The following NKAIN3 variants were observed in gnomAD, a reference collection of about 807,000 sequenced individuals.
NKAIN3 encodes the protein sodium/potassium-transporting ATPase subunit beta-1-interacting protein 3.
Under a neutral mutation model 30.2 loss-of-function variants are expected in NKAIN3, and 25 were observed. The observed-to-expected ratio is 0.83, with a 90% CI of 0.60 to 1.16. The LOEUF is 1.16. Among genes scored for constraint, NKAIN3 ranks in the 50% most tolerant of loss-of-function variants. The pLI is 0.00. For synonymous variants in NKAIN3, 91 were observed against 89.6 expected, an observed-to-expected ratio of 1.02 and a Z score of -0.09; for missense variants, 225 against 254.1, an observed-to-expected ratio of 0.89 and a Z score of 0.78.
chr8:62,641,132 A>T (rs1251181190), intron 3 of NKAIN3, among the ~76,000 whole-genome samples: 1 of 151,936 alleles, frequency 6.6e-6, no homozygotes, highest in African/African-American at 2.4e-5. Flanking sequence ...CTCCAGACCC[A>T]CTGAATCAGA....
rs550498680 is a variant in NKAIN3, at chr8:62,972,258, T to G, written c.*6851T>G. On this transcript the variant is annotated 3_prime_UTR_variant, in exon 7 of 7. Coordinates refer to ENST00000623646, the MANE Select transcript of NKAIN3 (RefSeq NM_001304533.3). ...AGTTGGACCTGTTTTTCCCTTCATC[T>G]CTTTTTCTTCAAGAACATAATATCG... 8.9e-4 allele frequency among the ~76,000 whole-genome samples: 136 copies of G among 152,288 alleles called. 1 individual carries two copies. The highest frequency in any genetic ancestry group is 1.6e-3 in the Non-Finnish European group (108 of 68,024).
intron 4 of NKAIN3, among the ~76,000 whole-genome samples, chr8:62,838,567 T>C (rs985459058): frequency 6.6e-6 from 1 of 152,028 alleles, no homozygotes; most frequent in Non-Finnish European, 1.5e-5. Context: ...TCTACATAAG[T>C]TTCTGCCAGA....
chr8:62,447,493 A>G (rs539384661), intron 1 of NKAIN3, among the ~76,000 whole-genome samples: 4 of 152,160 alleles, frequency 2.6e-5, no homozygotes, highest in South Asian at 2.1e-4. Flanking sequence ...AGGTGAACCC[A>G]TTGTTTTCTA....
At chr8:62,254,161 TG>T (rs2129387172) in intron 1 of NKAIN3, among the ~76,000 whole-genome samples, 1 of 40,908 alleles carries the variant, frequency 2.4e-5, no homozygotes, top group Non-Finnish European at 5.9e-5. Context: ...ATCGTGTGTG[TG>T]TGTGTGTGTG....
intron 1 of NKAIN3, among the ~76,000 whole-genome samples, chr8:62,494,316 A>G (rs1206866169): frequency 6.6e-6 from 1 of 152,170 alleles, no homozygotes; most frequent in African/African-American, 2.4e-5. Flanking sequence ...TACGTGATGA[A>G]TCACATTTAC....
intron 1 of NKAIN3, among the ~76,000 whole-genome samples, chr8:62,536,185 G>C (rs563513777): frequency 2.3e-4 from 35 of 152,170 alleles, no homozygotes; most frequent in Non-Finnish European, 4.3e-4. Flanking sequence ...TTTGGAACAT[G>C]AATAAAGAAT....
At position 62,752,455 on chromosome 8, in the gene NKAIN3, C is replaced by T. The variant is rs567403664; in HGVS notation, c.471+5326C>T. Reference sequence around the variant, plus strand: ...TAATTCCTGTGATCTTCATAGGACACGGCAATCATAAATCCCTATTAGGAG... The same window carrying T: ...TAATTCCTGTGATCTTCATAGGACATGGCAATCATAAATCCCTATTAGGAG... On this transcript the variant is annotated intron_variant, in intron 4 of 6. Coordinates refer to ENST00000623646, the MANE Select transcript of NKAIN3 (RefSeq NM_001304533.3). Among the ~76,000 whole-genome samples the T allele has an allele frequency of 4.6e-5, 7 of 152,248 alleles. No homozygotes were observed. In the South Asian group the frequency reaches 8.3e-4, roughly 18 times the overall value.
chr8:62,410,747 A>G (rs1441981522), intron 1 of NKAIN3, among the ~76,000 whole-genome samples: 2 of 152,212 alleles, frequency 1.3e-5, no homozygotes, highest in Non-Finnish European at 2.9e-5. Context: ...CTATGCACAT[A>G]AATTACAAGA....
intron 6 of NKAIN3, among the ~76,000 whole-genome samples, chr8:62,964,094 GT>G (rs754906791): frequency 1.3e-5 from 2 of 152,188 alleles, no homozygotes; most frequent in African/African-American, 4.8e-5. Flanking sequence ...CCTGGGTAAA[GT>G]AATTAATCAT....
chr8:62,552,050 T>G (rs1196764134), intron 1 of NKAIN3, among the ~76,000 whole-genome samples: 1 of 152,196 alleles, frequency 6.6e-6, no homozygotes, highest in African/African-American at 2.4e-5. Context: ...ACTAGACACA[T>G]AACTATTGAA....
At chr8:62,314,202 G>A (rs1003578372) in intron 1 of NKAIN3, among the ~76,000 whole-genome samples, 8 of 152,076 alleles carry the variant, frequency 5.3e-5, no homozygotes, top group Non-Finnish European at 1.2e-4. Flanking sequence ...ACATGGAGCT[G>A]GATGAAAACT....
In NKAIN3 at chr8:62,706,970, T is replaced by C. The variant is rs150627613; in HGVS notation, c.274-39962T>C. 7.6e-4 allele frequency among the ~76,000 whole-genome samples: 115 copies of C among 152,148 alleles called. 1 individual carries two copies. Among genetic ancestry groups the C allele is most frequent in the African/African-American group, 2.4e-3 (101 of 41,514 alleles). ...CATTCCTGAGTTACTTCACTTAGAA[T>C]AATAGTCTCCAATCTCATCCAGGTC... On this transcript the variant is annotated intron_variant, in intron 3 of 6. Coordinates refer to ENST00000623646, the MANE Select transcript of NKAIN3 (RefSeq NM_001304533.3).
intron 1 of NKAIN3, among the ~76,000 whole-genome samples, chr8:62,462,376 C>T (rs1007919276): frequency 2.0e-5 from 3 of 152,036 alleles, no homozygotes; most frequent in South Asian, 2.1e-4. Context: ...CACAATGCAC[C>T]GATTGTTCAT....
chr8:62,348,068 T>G (rs1353624128), intron 1 of NKAIN3, among the ~76,000 whole-genome samples: 1 of 152,164 alleles, frequency 6.6e-6, no homozygotes, highest in Non-Finnish European at 1.5e-5. Context: ...TTATTGTTCA[T>G]AAATATGCTA....
intron 3 of NKAIN3, among the ~76,000 whole-genome samples, chr8:62,654,958 C>G (rs1465673924): frequency 6.6e-6 from 1 of 152,120 alleles, no homozygotes; most frequent in Non-Finnish European, 1.5e-5. Flanking sequence ...CAGGCTGGAA[C>G]AAGGATGAAA....
intron 1 of NKAIN3, among the ~76,000 whole-genome samples, chr8:62,541,561 T>C (rs1166518917): frequency 6.6e-6 from 1 of 152,170 alleles, no homozygotes; most frequent in African/African-American, 2.4e-5. Flanking sequence ...TCTTGTGCTC[T>C]GAGAAGGTCT....
intron 1 of NKAIN3, among the ~76,000 whole-genome samples, chr8:62,385,879 T>C (rs1817411598): frequency 6.6e-6 from 1 of 152,186 alleles, no homozygotes; most frequent in East Asian, 1.9e-4. Flanking sequence ...GTGAAATGCA[T>C]CTGTACATGC....
intron 1 of NKAIN3, among the ~76,000 whole-genome samples, chr8:62,491,719 T>G (rs1807071590): frequency 6.6e-6 from 1 of 152,126 alleles, no homozygotes; most frequent in South Asian, 2.1e-4. Context: ...TAAGTCTTAA[T>G]TAAGTAGCTG....
chr8:62,370,499 A>C (rs1443262283), intron 1 of NKAIN3, among the ~76,000 whole-genome samples: 3 of 152,020 alleles, frequency 2.0e-5, no homozygotes, highest in Admixed American at 2.0e-4. Flanking sequence ...ATACACATCT[A>C]TGCACACACA....
Sources: allele counts gnomAD v4.1 joint callset (sites outside exome capture counted in the v4.1 genomes callset), GRCh38; gene constraint gnomAD v4.1.1; transcripts MANE v1.5; gene names NCBI Gene and HGNC (gene_info 2026-07-23, HGNC 2026-07-21).